The following ESR1 variants were observed in gnomAD, a reference collection of about 807,000 sequenced individuals.
ESR1 encodes estrogen receptor.
In ESR1, 12 loss-of-function variants were observed where a neutral mutation model predicts 52.7. The ratio of observed to expected loss-of-function variants is 0.23; its 90% CI spans 0.15 to 0.37. ESR1 has a LOEUF of 0.37. ESR1 is among the 10% of genes least tolerant of loss of function. The pLI, the probability that ESR1 is intolerant of heterozygous loss-of-function variation, is 1.00. For synonymous variants in ESR1, 305 were observed against 316.8 expected, an observed-to-expected ratio of 0.96 and a Z score of 0.39; for missense variants, 584 against 779.7, an observed-to-expected ratio of 0.75 and a Z score of 2.99.
upstream of ESR1, among the ~76,000 whole-genome samples, chr6:151,806,532 A>ATGTG (rs1470959513): frequency 9.8e-6 from 1 of 102,314 alleles, no homozygotes; most frequent in African/African-American, 4.0e-5. Flanking sequence ...CTTAATATGT[A>ATGTG]TATATATATA....
chr6:151,717,796 G>C (rs1053861966), intron 2 of ESR1, among the ~76,000 whole-genome samples: 2 of 152,014 alleles, frequency 1.3e-5, no homozygotes, highest in Non-Finnish European at 1.5e-5. Flanking sequence ...GATTGAATTG[G>C]ATAATTGAAT....
At chr6:151,987,221 A>G (rs1461523711) in intron 4 of ESR1, among the ~76,000 whole-genome samples, 8 of 152,046 alleles carry the variant, frequency 5.3e-5, no homozygotes, top group Non-Finnish European at 1.0e-4. Context: ...CCACCCAGCA[A>G]TCATCTCTCT....
chr6:152,041,801 C>T (rs946750875), intron 5 of ESR1, among the ~76,000 whole-genome samples: 4 of 152,210 alleles, frequency 2.6e-5, no homozygotes, highest in African/African-American at 4.8e-5. Context: ...CTGGCCTTGC[C>T]AGCTGAAGGC....
At chr6:151,809,578 G>C (rs1778468407) in intron 1 of ESR1, among the ~76,000 whole-genome samples, 1 of 152,070 alleles carries the variant, frequency 6.6e-6, no homozygotes, top group Admixed American at 6.5e-5. Context: ...TGTAAGCCGT[G>C]GACCAGTTTT....
intron 5 of ESR1, among the ~76,000 whole-genome samples, chr6:152,030,249 C>T (rs561661576): frequency 1.8e-3 from 277 of 152,260 alleles, no homozygotes; most frequent in African/African-American, 6.5e-3. Flanking sequence ...AAATAAGCAG[C>T]TAACATCATA....
intron 5 of ESR1, among the ~76,000 whole-genome samples, chr6:152,019,537 T>G (rs2043447952): frequency 6.6e-6 from 1 of 152,258 alleles, no homozygotes; most frequent in Non-Finnish European, 1.5e-5. Context: ...GGGAAAGGCG[T>G]GAGCCCAACC....
At chr6:151,763,924 T>A (rs898114573) in intron 2 of ESR1, among the ~76,000 whole-genome samples, 1 of 151,992 alleles carries the variant, frequency 6.6e-6, no homozygotes, top group East Asian at 1.9e-4. Flanking sequence ...CGGGGAGTGA[T>A]GCCTGGAGGA....
At position 152,061,231 on chromosome 6, in the gene ESR1, G is replaced by T. The variant is rs561367509; in HGVS notation, c.1369+107G>T. 26 of 1,087,300 alleles carry T rather than the reference G, an allele frequency of 2.4e-5. No individual in the cohort carries two copies. In the African/African-American group the frequency reaches 3.4e-4, roughly 14 times the overall value. The allele number at this position is 1,087,300 out of a possible 1,614,324, so 67.4% of individuals were successfully genotyped here. A position where few individuals can be genotyped will look rare whatever the true frequency, so the allele number is the denominator to read the frequency against. ...AAAGGCATAATGTCATAAATAGAAA[G>T]AAACTACTGACACACGTTTTAAAAT... On this transcript the variant is annotated intron_variant, in intron 6 of 7. Transcript: ENST00000206249. This position sits in a 1 kb window ranked among gnomAD's most constrained non-coding sequence, Gnocchi z 4.3.
intron 2 of ESR1, among the ~76,000 whole-genome samples, chr6:151,868,805 T>C (rs1790421940): frequency 6.6e-6 from 1 of 152,182 alleles, no homozygotes; most frequent in Non-Finnish European, 1.5e-5. Context: ...CAATTTATTT[T>C]CATTACTCTT....
intron 5 of ESR1, among the ~76,000 whole-genome samples, chr6:152,016,474 C>A (rs1447613788): frequency 1.3e-5 from 2 of 151,994 alleles, no homozygotes; most frequent in African/African-American, 4.8e-5. Context: ...TATTTAATTA[C>A]CATCTTGGTG....
intron 5 of ESR1, among the ~76,000 whole-genome samples, chr6:152,017,084 C>T (rs2043225287): frequency 6.6e-6 from 1 of 152,130 alleles, no homozygotes; most frequent in Admixed American, 6.5e-5. Context: ...TTACCCTAGT[C>T]TTTTCTTGTA....
chr6:151,997,746 A>C (rs2041618737), intron 4 of ESR1, among the ~76,000 whole-genome samples: 1 of 152,162 alleles, frequency 6.6e-6, no homozygotes, highest in African/African-American at 2.4e-5. Context: ...GATAGAGTTC[A>C]AACTTTAAAT....
At chr6:151,853,501 GTTC>G (rs1257202235) in intron 2 of ESR1, among the ~76,000 whole-genome samples, 3 of 152,112 alleles carry the variant, frequency 2.0e-5, no homozygotes, top group Non-Finnish European at 2.9e-5. Flanking sequence ...AATGACAGTA[GTTC>G]TTCTTTTTTC....
intron 4 of ESR1, among the ~76,000 whole-genome samples, chr6:151,956,599 A>G (rs2036937703): frequency 6.6e-6 from 1 of 152,082 alleles, no homozygotes; most frequent in Admixed American, 6.6e-5. Flanking sequence ...GGTTAATAAC[A>G]TAGAATAGTT....
At chr6:152,125,445 G>A in exon 7 of ESR1, 1 of 1,413,226 alleles carries the variant, frequency 7.1e-7, no homozygotes, top group South Asian at 1.5e-5. Context: ...ATGACCATGG[G>A]CAAGTAAATT....
chr6:152,127,519 T>C (rs550882041), exon 7 of ESR1: 1 of 152,304 alleles, frequency 6.6e-6, no homozygotes, highest in East Asian at 1.9e-4. Context: ...TTCGGCCTTT[T>C]CTCTCGGGAA....
rs570932964 is a variant in ESR1 at position 152,027,116 on chromosome 6, G to C, written c.1235+15322G>C. Among the ~76,000 whole-genome samples, 37 of 152,008 alleles carry C rather than the reference G, an allele frequency of 2.4e-4. No individual in the cohort carries two copies. In the East Asian group the frequency reaches 6.2e-3, roughly 25 times the overall value. On this transcript the variant is annotated intron_variant, in intron 5 of 7. Coordinates refer to ENST00000206249, the MANE Select transcript of ESR1 (RefSeq NM_000125.4). ...CAAGTACCTGGGATTACAGGCATCA[G>C]CCACCCCACCTGGCTAATTTTGTAT...
At chr6:151,724,442 G>A (rs2128026553) in intron 2 of ESR1, among the ~76,000 whole-genome samples, 1 of 152,094 alleles carries the variant, frequency 6.6e-6, no homozygotes, top group South Asian at 2.1e-4. Flanking sequence ...CTTCAGAAAC[G>A]GACATTTAAA....
At chr6:151,887,040 C>CAA (rs11316986) in intron 3 of ESR1, among the ~76,000 whole-genome samples, 18 of 90,798 alleles carry the variant, frequency 2.0e-4, no homozygotes, top group African/African-American at 3.5e-4. Flanking sequence ...GACTCCATCT[C>CAA]AAAAAAAAAA....
Sources: allele counts gnomAD v4.1 joint callset (sites outside exome capture counted in the v4.1 genomes callset), GRCh38; gene constraint gnomAD v4.1.1; non-coding constraint Gnocchi (gnomAD v3.1); transcripts MANE v1.5; gene names NCBI Gene and HGNC (gene_info 2026-07-23, HGNC 2026-07-21).